ADARB2: variants seen among roughly 807,000 people sequenced by gnomAD.
The protein encoded by ADARB2 is inactive double-stranded RNA-specific editase B2.
In ADARB2, 25 loss-of-function variants were observed where a neutral mutation model predicts 62.2. That is an observed-to-expected ratio of 0.40 (90% confidence interval 0.29 to 0.56). The LOEUF (loss-of-function observed/expected upper bound fraction) is 0.56, where lower values mean the gene tolerates loss of function less well. Among genes scored for constraint, ADARB2 ranks in the 20% least tolerant of loss-of-function variants. ADARB2 has a pLI of 0.43. For missense variants in ADARB2, 1,071 were observed against 1,077.4 expected, an observed-to-expected ratio of 0.99 and a Z score of 0.08; for synonymous variants, 572 against 500.8, an observed-to-expected ratio of 1.14 and a Z score of -1.90.
chr10:1,480,032 G>T (rs947076234), intron 1 of ADARB2, among the ~76,000 whole-genome samples: 4 of 151,340 alleles, frequency 2.6e-5, no homozygotes, highest in African/African-American at 9.7e-5. Flanking sequence ...AGAAATAAAT[G>T]CTCTCAATAT....
intron 3 of ADARB2, among the ~76,000 whole-genome samples, chr10:1,287,078 G>T (rs1831421110): frequency 6.6e-6 from 1 of 152,142 alleles, no homozygotes; most frequent in South Asian, 2.1e-4. Flanking sequence ...GTATGTTGGG[G>T]TGACCTTTCC....
intron 3 of ADARB2, among the ~76,000 whole-genome samples, chr10:1,273,756 G>A (rs1169531189): frequency 6.6e-6 from 1 of 152,214 alleles, no homozygotes; most frequent in African/African-American, 2.4e-5. Context: ...AGACGGTGAA[G>A]GTGACATAAG....
rs1482303063 is a variant in ADARB2, at chr10:1,711,125, C to T, written c.100+25926G>A. Among the ~76,000 whole-genome samples the T allele has an allele frequency of 3.9e-5, 6 of 152,316 alleles. No individual in the cohort carries two copies. In the East Asian group the frequency reaches 1.2e-3, roughly 29 times the overall value. ...GGCCAGGGACACGGGTACCTAACCT[C>T]AGCATCATCTGGGATGCCAGGCAGC... On this transcript the variant is annotated intron_variant, in intron 1 of 9. Coordinates refer to ENST00000381312, the MANE Select transcript of ADARB2 (RefSeq NM_018702.4).
chr10:1,504,364 C>T (rs1481462221), intron 1 of ADARB2, among the ~76,000 whole-genome samples: 3 of 152,228 alleles, frequency 2.0e-5, no homozygotes, highest in Non-Finnish European at 2.9e-5. Flanking sequence ...ACACTCAGCC[C>T]ACCCCTTACT....
intron 3 of ADARB2, among the ~76,000 whole-genome samples, chr10:1,351,539 T>G (rs1469654961): frequency 6.6e-6 from 1 of 152,132 alleles, no homozygotes; most frequent in South Asian, 2.1e-4. Context: ...CTTCCCTGAC[T>G]ATTCCCTGAC....
chr10:1,298,703 T>C, intron 3 of ADARB2, among the ~76,000 whole-genome samples: 1 of 136,618 alleles, frequency 7.3e-6, no homozygotes, highest in Non-Finnish European at 1.6e-5. Context: ...CTGCCGACTA[T>C]CCCATGTGCG....
chr10:1,497,848 T>C (rs1460751360), intron 1 of ADARB2, among the ~76,000 whole-genome samples: 2 of 152,058 alleles, frequency 1.3e-5, no homozygotes, highest in Non-Finnish European at 2.9e-5. Flanking sequence ...TGGAGTTTAA[T>C]GTTGGTTGAT....
chr10:1,333,576 A>G (rs1053943401), intron 3 of ADARB2, among the ~76,000 whole-genome samples: 1 of 152,178 alleles, frequency 6.6e-6, no homozygotes, highest in African/African-American at 2.4e-5. Context: ...TTCTCATCAT[A>G]TTAATACATG....
rs142192040 is a variant in ADARB2 at position 1,696,299 on chromosome 10, T to C, written c.100+40752A>G. 2.1e-3 allele frequency among the ~76,000 whole-genome samples: 327 copies of C among 152,292 alleles called. 3 individuals are homozygous for C. The highest frequency in any genetic ancestry group is 7.5e-3 in the African/African-American group (312 of 41,550). Reference sequence around the variant, plus strand: ...GTGTGTATGCACGTGTGTTGTGCTTTGCGTTTATATGTGTGCACGTGTGTT... The same window carrying C: ...GTGTGTATGCACGTGTGTTGTGCTTCGCGTTTATATGTGTGCACGTGTGTT... On this transcript the variant is annotated intron_variant, in intron 1 of 9. Coordinates refer to ENST00000381312, the MANE Select transcript of ADARB2 (RefSeq NM_018702.4).
intron 1 of ADARB2, among the ~76,000 whole-genome samples, chr10:1,577,904 C>T (rs182776743): frequency 7.0e-4 from 106 of 152,290 alleles, no homozygotes; most frequent in African/African-American, 2.5e-3. Context: ...GAGATGAGGA[C>T]ACAGACACAA....
intron 3 of ADARB2, among the ~76,000 whole-genome samples, chr10:1,298,264 T>G (rs1442415000): frequency 1.3e-5 from 2 of 152,214 alleles, no homozygotes; most frequent in African/African-American, 4.8e-5. Context: ...ATGAAGTTTC[T>G]CACAATGGCT....
intron 1 of ADARB2, among the ~76,000 whole-genome samples, chr10:1,467,091 T>C (rs960164448): frequency 5.3e-5 from 8 of 152,296 alleles, no homozygotes; most frequent in African/African-American, 1.9e-4. Context: ...TGCCACACTT[T>C]GATCCATTCT....
intron 3 of ADARB2, among the ~76,000 whole-genome samples, chr10:1,328,852 C>T (rs1295700550): frequency 6.6e-6 from 1 of 151,800 alleles, no homozygotes; most frequent in Non-Finnish European, 1.5e-5. Context: ...AATAACTGGT[C>T]ATGGTGGTGT....
At chr10:1,705,655 T>TGGAAACC (rs1169168611) in intron 1 of ADARB2, among the ~76,000 whole-genome samples, 1 of 152,206 alleles carries the variant, frequency 6.6e-6, no homozygotes, top group Non-Finnish European at 1.5e-5. Flanking sequence ...GGTGAAGCAA[T>TGGAAACC]CTATTTATTC....
intron 3 of ADARB2, among the ~76,000 whole-genome samples, chr10:1,338,598 C>A (rs1831995005): frequency 6.6e-6 from 1 of 152,118 alleles, no homozygotes; most frequent in Non-Finnish European, 1.5e-5. Flanking sequence ...AAACATGGAC[C>A]AGCTAGTTCT....
chr10:1,391,766 ATTT>A (rs60956446), intron 1 of ADARB2, among the ~76,000 whole-genome samples: 43 of 91,644 alleles, frequency 4.7e-4, no homozygotes, highest in East Asian at 1.3e-3. Flanking sequence ...TAAGAATTGG[ATTT>A]TTTTTTTTTT....
At chr10:1,526,931 C>A in intron 1 of ADARB2, 1 of 391,490 alleles carries the variant, frequency 2.6e-6, no homozygotes, top group Non-Finnish European at 5.5e-6. Context: ...TCCCCTGCAT[C>A]TTAATTTGCA....
chr10:1,617,926 G>T (rs534432393), intron 1 of ADARB2, among the ~76,000 whole-genome samples: 25 of 152,332 alleles, frequency 1.6e-4, no homozygotes, highest in African/African-American at 5.8e-4. Context: ...AACTTTTGTT[G>T]GACGGCTCTT....
At position 1,507,414 on chromosome 10, in the gene ADARB2, C is replaced by T. The variant is rs545524307; in HGVS notation, c.101-128254G>A. Among the ~76,000 whole-genome samples the T allele has an allele frequency of 5.9e-5, 9 of 152,350 alleles. No homozygotes were observed. In the South Asian group the frequency reaches 6.2e-4, roughly 11 times the overall value. On this transcript the variant is annotated intron_variant, in intron 1 of 9. Transcript: ENST00000381312. ...CCTGCCCCCTTCACCAGGCTGCATC[C>T]GGAGCTCCCTGCTATCCACACACCC...
Sources: gnomAD v4.1 joint callset for allele counts (sites outside exome capture counted in the v4.1 genomes callset) on GRCh38, gnomAD v4.1.1 for gene constraint, MANE v1.5 for transcripts, NCBI Gene and HGNC (gene_info 2026-07-23, HGNC 2026-07-21) for gene names.